The following KIF13A variants were observed in gnomAD, a reference collection of about 807,000 sequenced individuals.
KIF13A encodes kinesin family member 13A.
A neutral mutation model predicts 212.2 loss-of-function variants in KIF13A; 79 were observed. The observed-to-expected ratio is 0.37, with a 90% CI of 0.31 to 0.45. KIF13A has a LOEUF of 0.45. Ranked by LOEUF, KIF13A falls within the 20% of genes least tolerant of loss-of-function variation. The probability of loss-of-function intolerance (pLI) is 1.00; values close to 1 mark genes in which losing one functional copy is unlikely to be tolerated. For synonymous variants in KIF13A, 789 were observed against 808.6 expected, an observed-to-expected ratio of 0.98 and a Z score of 0.41; for missense variants, 1,901 against 2,209.0, an observed-to-expected ratio of 0.86 and a Z score of 2.79.
chr6:17,815,166 T>C (rs1394952453), intron 17 of KIF13A, among the ~76,000 whole-genome samples: 1 of 152,224 alleles, frequency 6.6e-6, no homozygotes, highest in Admixed American at 6.5e-5. Flanking sequence ...CACCATTATT[T>C]CTTCTATGTA....
At chr6:17,945,171 T>C (rs932146898) in intron 2 of KIF13A, among the ~76,000 whole-genome samples, 6 of 152,180 alleles carry the variant, frequency 3.9e-5, no homozygotes, top group Non-Finnish European at 7.3e-5. Context: ...ATTTATGCAA[T>C]TGAATACCAT....
At chr6:17,779,257 ATT>A (rs3076205) in intron 32 of KIF13A, among the ~76,000 whole-genome samples, 158 bp from the exon 33 acceptor site, 7 of 37,824 alleles carry the variant, frequency 1.9e-4, no homozygotes, top group African/African-American at 7.0e-4. Context: ...ATATATATAT[ATT>A]TTTTTTTTTT....
At chr6:17,863,164 G>A (rs528781123) in intron 4 of KIF13A, among the ~76,000 whole-genome samples, 7 of 152,116 alleles carry the variant, frequency 4.6e-5, no homozygotes, top group East Asian at 1.9e-4. Context: ...ACCAATTATC[G>A]CTATTTTTCT....
chr6:17,880,622 T>C lies in KIF13A; in HGVS notation c.160-7185A>G, dbSNP rs560520581. Among the ~76,000 whole-genome samples, 129 of 116,698 alleles carry C rather than the reference T, an allele frequency of 1.1e-3. 2 individuals are homozygous for C. The highest frequency in any genetic ancestry group is 4.1e-3 in the African/African-American group (118 of 28,844). The allele number at this position is 116,698 out of a possible 152,430, so 76.6% of individuals were successfully genotyped here. Reference sequence around the variant, plus strand: ...CAGCCCAGGTGACAGGGCGAGACTCTGTCTCAAAAAAAAAAAAAAAAAAAA... The same window carrying C: ...CAGCCCAGGTGACAGGGCGAGACTCCGTCTCAAAAAAAAAAAAAAAAAAAA... On this transcript the variant is annotated intron_variant, in intron 3 of 38. Coordinates refer to ENST00000259711, the MANE Select transcript of KIF13A (RefSeq NM_022113.6).
At chr6:17,859,639 T>TATA (rs201918014) in intron 4 of KIF13A, among the ~76,000 whole-genome samples, 16 of 72,822 alleles carry the variant, frequency 2.2e-4, no homozygotes, top group African/African-American at 6.2e-4. Context: ...TATATATATA[T>TATA]TTTTTTTTTT....
chr6:17,951,342 G>T lies in KIF13A; in HGVS notation c.146+35712C>A. On this transcript the variant is annotated intron_variant, in intron 2 of 38. Transcript: ENST00000259711. This position sits in a 1 kb window ranked among gnomAD's most constrained non-coding sequence, Gnocchi z 4.9. Reference sequence around the variant, plus strand: ...GATGGGGTTTTGCCATGTTGCAAAGGCTGGTCTTGAAATCCTCGGCTCAAG... The same window carrying T: ...GATGGGGTTTTGCCATGTTGCAAAGTCTGGTCTTGAAATCCTCGGCTCAAG... The T allele has an allele frequency of 1.6e-6, 1 of 639,512 alleles. No individual in the cohort carries two copies. The highest frequency in any genetic ancestry group is 1.7e-5 in the South Asian group (1 of 58,326). The allele number at this position is 639,512 out of a possible 1,614,324, so 39.6% of individuals were successfully genotyped here.
rs1374312740 is a variant in KIF13A, at chr6:17,961,643, G to A, written c.146+25411C>T. Reference sequence around the variant, plus strand: ...TCCTTCACCCAGGGCTTAGTAAATAGAATAGCTATGTTCTTTTTGAGCAAC... The same window carrying A: ...TCCTTCACCCAGGGCTTAGTAAATAAAATAGCTATGTTCTTTTTGAGCAAC... On this transcript the variant is annotated intron_variant, in intron 2 of 38. Transcript: ENST00000259711. This position sits in a 1 kb window ranked among gnomAD's most constrained non-coding sequence, Gnocchi z 4.1. Among the ~76,000 whole-genome samples, 2 of 152,146 alleles carry A rather than the reference G, an allele frequency of 1.3e-5. No individual in the cohort carries two copies.
intron 16 of KIF13A, 141 bp from the exon 17 acceptor site, chr6:17,817,374 C>A (rs953595315): frequency 3.0e-6 from 2 of 672,618 alleles, no homozygotes; most frequent in Non-Finnish European, 5.2e-6. Context: ...CCTGAGGGGC[C>A]ACATCAGGGA....
chr6:17,854,786 C>T (rs985124828), intron 6 of KIF13A, among the ~76,000 whole-genome samples: 4 of 151,996 alleles, frequency 2.6e-5, no homozygotes, highest in African/African-American at 9.7e-5. Context: ...CTCCTGACCT[C>T]AGATGATCTG....
intron 2 of KIF13A, among the ~76,000 whole-genome samples, chr6:17,910,227 A>T (rs961217717): frequency 6.6e-6 from 1 of 152,238 alleles, no homozygotes; most frequent in Non-Finnish European, 1.5e-5. Context: ...TCTCAATTTG[A>T]TAAGTAGTGG....
chr6:17,779,729 T>C (rs746856239), intron 31 of KIF13A, 45 bp from the exon 32 acceptor site: 27 of 758,332 alleles, frequency 3.6e-5, no homozygotes, highest in Non-Finnish European at 5.6e-5. Flanking sequence ...GTGACAAATG[T>C]AAGTTATTTT....
Position 17,855,974 on chromosome 6 carries a change from G to A in KIF13A, c.313+56C>T, listed in dbSNP as rs1016536708. 8.0e-7 allele frequency: 1 copy of A among 1,247,538 alleles called. No individual in the cohort carries two copies. Among genetic ancestry groups the A allele is most frequent in the Non-Finnish European group, 1.2e-6 (1 of 855,288 alleles). 77.3% of individuals were successfully genotyped at this position (1,247,538 alleles called of 1,614,324 possible). On this transcript the variant is annotated intron_variant, in intron 5 of 38. Coordinates refer to ENST00000259711, the MANE Select transcript of KIF13A (RefSeq NM_022113.6). The surrounding 1 kb of genome is among the most constrained non-coding windows in gnomAD (Gnocchi z 4.1). ...GATCCTCCCACCCCAGCCTCACCAA[G>A]TCCTGGGATTATAGGCATGATCCCC...
At chr6:17,942,362 C>G (rs955907964) in intron 2 of KIF13A, among the ~76,000 whole-genome samples, 1 of 149,070 alleles carries the variant, frequency 6.7e-6, no homozygotes, top group Admixed American at 6.7e-5. Flanking sequence ...ATATATATTT[C>G]TGTTCATTGA....
chr6:17,800,178 C>G, intron 20 of KIF13A, 65 bp from the exon 21 acceptor site: 1 of 1,495,496 alleles, frequency 6.7e-7, no homozygotes, highest in Admixed American at 2.0e-5. Context: ...CGACCCAAGA[C>G]AGACGTGCCT....
At chr6:17,972,288 C>T (rs1249900791) in intron 2 of KIF13A, among the ~76,000 whole-genome samples, 1 of 152,096 alleles carries the variant, frequency 6.6e-6, no homozygotes, top group Non-Finnish European at 1.5e-5. Context: ...GTAACCATTC[C>T]CTGTTACAAT....
chr6:17,871,172 T>A lies in KIF13A; in HGVS notation c.220+2205A>T, dbSNP rs1179959229. On this transcript the variant is annotated intron_variant, in intron 4 of 38. Coordinates refer to ENST00000259711, the MANE Select transcript of KIF13A (RefSeq NM_022113.6). The surrounding 1 kb of genome is among the most constrained non-coding windows in gnomAD (Gnocchi z 4.4). ...AAGTAATAATCATATATATTTATGG[T>A]ATACAACATGATGTTCTGATATATG... 6.6e-6 allele frequency among the ~76,000 whole-genome samples: 1 copy of A among 152,198 alleles called. No individual in the cohort carries two copies. The highest frequency in any genetic ancestry group is 2.4e-5 in the African/African-American group (1 of 41,454).
intron 3 of KIF13A, chr6:17,881,754 G>A: frequency 6.0e-6 from 2 of 334,554 alleles, no homozygotes; most frequent in South Asian, 4.7e-5. Context: ...CTAGCACTTT[G>A]GGAGGTGGAG....
At chr6:17,859,687 G>A (rs1317331958) in intron 4 of KIF13A, among the ~76,000 whole-genome samples, 2 of 144,892 alleles carry the variant, frequency 1.4e-5, no homozygotes, top group South Asian at 4.4e-4. Flanking sequence ...CCAGGGTGGA[G>A]TGCAATGGTG....
Position 17,900,448 on chromosome 6 carries a change from A to G in KIF13A, c.147-2268T>C, listed in dbSNP as rs1157240171. ...GTCTTTCTCACTTAGAAGATAGCCC[A>G]TAACATGGGAATACCAATATAATTC... On this transcript the variant is annotated intron_variant, in intron 2 of 38. Transcript: ENST00000259711. This position sits in a 1 kb window ranked among gnomAD's most constrained non-coding sequence, Gnocchi z 4.6. Among the ~76,000 whole-genome samples the G allele has an allele frequency of 6.6e-6, 1 of 152,248 alleles. No individual in the cohort carries two copies. The highest frequency in any genetic ancestry group is 2.4e-5 in the African/African-American group (1 of 41,464).
Sources: allele counts gnomAD v4.1 joint callset (sites outside exome capture counted in the v4.1 genomes callset), GRCh38; gene constraint gnomAD v4.1.1; non-coding constraint Gnocchi (gnomAD v3.1); transcripts MANE v1.5; gene names NCBI Gene and HGNC (gene_info 2026-07-23, HGNC 2026-07-21).